The following FAT3 variants were observed in gnomAD, a reference collection of about 807,000 sequenced individuals.
FAT3 encodes FAT atypical cadherin 3.
FAT3 carries 95 observed loss-of-function variants against 310.2 expected under a neutral mutation model. That is an observed-to-expected ratio of 0.31 (90% CI 0.26 to 0.36). The LOEUF is 0.36. Ranked by LOEUF, FAT3 falls within the 10% of genes least tolerant of loss-of-function variation. The pLI is 1.00. For synonymous variants in FAT3, 2,314 were observed against 2,192.9 expected (o/e 1.06, Z -1.54); for missense variants, 5,408 against 5,715.6 (o/e 0.95, Z 1.74).
intron 18 of FAT3, among the ~76,000 whole-genome samples, chr11:92,841,873 C>T (rs965586982): frequency 6.6e-6 from 1 of 152,184 alleles, no homozygotes; most frequent in African/African-American, 2.4e-5. Context: ...GCAGGAGCCT[C>T]CTGGGTGCTT....
At position 92,393,846 on chromosome 11, in the gene FAT3, G is replaced by T. The variant is rs571831566; in HGVS notation, c.3292+38442G>T. ...TAGAGTTTCTTTAACTTCTGGTCAG[G>T]GAGGGTCTCACTTTCTGTTGACACT... On this transcript the variant is annotated intron_variant, in intron 2 of 27. Transcript: ENST00000525166. 8.5e-4 allele frequency among the ~76,000 whole-genome samples: 129 copies of T among 152,242 alleles called. 1 individual carries two copies. The highest frequency in any genetic ancestry group is 2.9e-3 in the African/African-American group (122 of 41,538).
intron 2 of FAT3, among the ~76,000 whole-genome samples, chr11:92,469,578 G>C (rs55857493): frequency 2.0e-5 from 3 of 151,722 alleles, no homozygotes; most frequent in African/African-American, 7.3e-5. Context: ...GCAGTGGTGC[G>C]ATCTCGGCTC....
chr11:92,452,378 A>T (rs990795994), intron 2 of FAT3, among the ~76,000 whole-genome samples: 2 of 152,162 alleles, frequency 1.3e-5, no homozygotes, highest in African/African-American at 2.4e-5. Context: ...AATTTTAGAT[A>T]ACTTCAAGGA....
intron 3 of FAT3, among the ~76,000 whole-genome samples, chr11:92,601,720 AACCTATT>A (rs1940035922): frequency 6.6e-6 from 1 of 152,130 alleles, no homozygotes; most frequent in Admixed American, 6.5e-5. Context: ...TTTAGAATGG[AACCTATT>A]ATATACAGAA....
chr11:92,768,700 A>G (rs768393849), intron 6 of FAT3, among the ~76,000 whole-genome samples: 12 of 152,174 alleles, frequency 7.9e-5, no homozygotes, highest in Non-Finnish European at 1.5e-4. Context: ...ATGCGCCTCA[A>G]TGCTTAAGAA....
intron 22 of FAT3, among the ~76,000 whole-genome samples, chr11:92,873,019 C>T (rs1949429449): frequency 6.6e-6 from 1 of 152,120 alleles, no homozygotes; most frequent in Admixed American, 6.5e-5. Context: ...AAAAAAACTC[C>T]CATGATTTCC....
intron 4 of FAT3, among the ~76,000 whole-genome samples, chr11:92,750,871 C>A (rs1006352460): frequency 2.6e-5 from 4 of 152,194 alleles, no homozygotes; most frequent in Non-Finnish European, 4.4e-5. Context: ...TCACCTAGAA[C>A]AAGAAGTACG....
At chr11:92,758,141 T>G (rs1308128808) in intron 4 of FAT3, among the ~76,000 whole-genome samples, 5 of 152,208 alleles carry the variant, frequency 3.3e-5, no homozygotes, top group African/African-American at 1.2e-4. Flanking sequence ...AATTCTTGAT[T>G]TCATAGAATA....
At chr11:92,550,253 G>A (rs1954763329) in intron 3 of FAT3, among the ~76,000 whole-genome samples, 1 of 152,086 alleles carries the variant, frequency 6.6e-6, no homozygotes, top group African/African-American at 2.4e-5. Flanking sequence ...ACATATATGA[G>A]CATTGTGTAC....
intron 3 of FAT3, among the ~76,000 whole-genome samples, chr11:92,530,818 T>C (rs995119243): frequency 2.6e-5 from 4 of 152,170 alleles, no homozygotes; most frequent in Non-Finnish European, 1.5e-5. Flanking sequence ...CACAGTTCCA[T>C]GTGGTGGTAA....
Position 92,753,578 on chromosome 11 carries a change from G to A in FAT3, c.3670-8278G>A, listed in dbSNP as rs1463454220. On this transcript the variant is annotated intron_variant, in intron 4 of 27. Coordinates refer to ENST00000525166, the MANE Select transcript of FAT3 (RefSeq NM_001367949.2). ...AAAAGCTTTGTGTAAAGTGTTGGGA[G>A]GATATGGAAAAAAGGAATCCCTTGT... 2.0e-5 allele frequency among the ~76,000 whole-genome samples: 3 copies of A among 152,034 alleles called. No homozygotes were observed. In the East Asian group the frequency reaches 5.8e-4, roughly 29 times the overall value.
At chr11:92,633,438 A>C (rs1050770839) in intron 3 of FAT3, among the ~76,000 whole-genome samples, 2 of 152,100 alleles carry the variant, frequency 1.3e-5, no homozygotes, top group African/African-American at 4.8e-5. Context: ...ACATCCTAAA[A>C]ATTAGGACGA....
At chr11:92,615,093 T>C (rs530736) in intron 3 of FAT3, among the ~76,000 whole-genome samples, 87,124 of 152,104 alleles carry the variant, frequency 0.57, 26,712 homozygotes, top group African/African-American at 0.8. Context: ...CAAAATTGTT[T>C]GGATTATTGT....
At chr11:92,841,368 T>C (rs1002334762) in intron 18 of FAT3, among the ~76,000 whole-genome samples, 1 of 152,236 alleles carries the variant, frequency 6.6e-6, no homozygotes, top group African/African-American at 2.4e-5. Flanking sequence ...ACTGAGTGAC[T>C]TTTTCTATCC....
chr11:92,457,593 A>G (rs1053962253), intron 2 of FAT3, among the ~76,000 whole-genome samples: 17 of 152,304 alleles, frequency 1.1e-4, no homozygotes, highest in African/African-American at 4.1e-4. Flanking sequence ...AATCTCCCAA[A>G]AACTGTATTT....
intron 1 of FAT3, among the ~76,000 whole-genome samples, chr11:92,256,830 G>A (rs1332741900): frequency 1.3e-5 from 2 of 152,100 alleles, no homozygotes; most frequent in Non-Finnish European, 2.9e-5. Flanking sequence ...AGATTATATA[G>A]CGAATAAGTT....
chr11:92,419,839 A>G (rs1950500138), intron 2 of FAT3, among the ~76,000 whole-genome samples: 1 of 152,194 alleles, frequency 6.6e-6, no homozygotes. Context: ...GCCATTTCTC[A>G]GGCTAAATGA....
At chr11:92,425,102 C>T (rs1405773234) in intron 2 of FAT3, among the ~76,000 whole-genome samples, 1 of 152,018 alleles carries the variant, frequency 6.6e-6, no homozygotes, top group Non-Finnish European at 1.5e-5. Flanking sequence ...TGAGTTATTT[C>T]TTTTTGGAAT....
chr11:92,555,455 CCT>C (rs1565407940), intron 3 of FAT3, among the ~76,000 whole-genome samples: 1 of 152,078 alleles, frequency 6.6e-6, no homozygotes, highest in Non-Finnish European at 1.5e-5. Context: ...AGCCAAGTGC[CCT>C]CTGGGATAAC....
Sources: gnomAD v4.1 joint callset for allele counts (sites outside exome capture counted in the v4.1 genomes callset) on GRCh38, gnomAD v4.1.1 for gene constraint, MANE v1.5 for transcripts, NCBI Gene and HGNC (gene_info 2026-07-23, HGNC 2026-07-21) for gene names.